Variants in FBXO10 observed in about 807,000 individuals in gnomAD.
The protein encoded by FBXO10 is F-box only protein 10.
FBXO10 carries 39 observed loss-of-function variants against 80.7 expected under a neutral mutation model. That is an observed-to-expected ratio of 0.48 (90% CI 0.37 to 0.63). FBXO10 has a LOEUF of 0.63. FBXO10 is among the 30% of genes least tolerant of loss of function. The probability of loss-of-function intolerance (pLI) is 0.00; values close to 1 mark genes in which losing one functional copy is unlikely to be tolerated. For synonymous variants in FBXO10, 449 were observed against 489.6 expected (o/e 0.92, Z 1.09); for missense variants, 1,025 against 1,269.0 (o/e 0.81, Z 2.92).
At chr9:37,548,894 G>A (rs570171579) in intron 1 of FBXO10, among the ~76,000 whole-genome samples, 3 of 152,126 alleles carry the variant, frequency 2.0e-5, no homozygotes, top group African/African-American at 4.8e-5. Context: ...GACTACAGGC[G>A]CCCGCCACCA....
intron 1 of FBXO10, among the ~76,000 whole-genome samples, chr9:37,546,154 A>G (rs185451067): frequency 0.013 from 2,013 of 151,992 alleles, 45 homozygotes; most frequent in African/African-American, 0.046. Flanking sequence ...AAAAAAAAAA[A>G]GACTGTGATT....
intron 1 of FBXO10, among the ~76,000 whole-genome samples, chr9:37,544,021 C>T (rs1027135944): frequency 1.3e-5 from 2 of 152,164 alleles, no homozygotes; most frequent in African/African-American, 4.8e-5. Context: ...AATCCCAGCA[C>T]TTTGGGATGC....
At chr9:37,551,352 AGTCTTGGGGGC>A (rs1822193853) in intron 1 of FBXO10, among the ~76,000 whole-genome samples, 1 of 152,114 alleles carries the variant, frequency 6.6e-6, no homozygotes, top group Non-Finnish European at 1.5e-5. Flanking sequence ...ACAGGTCTGG[AGTCTTGGGGGC>A]AGCCCTGCTT....
chr9:37,546,591 C>T (rs1020497535), intron 1 of FBXO10, among the ~76,000 whole-genome samples: 1 of 152,134 alleles, frequency 6.6e-6, no homozygotes, highest in African/African-American at 2.4e-5. Flanking sequence ...AAGACATGGT[C>T]TCTGTGCTCA....
At position 37,522,948 on chromosome 9, in the gene FBXO10, C is replaced by T; in HGVS notation, c.1807G>A (p.Gly603Ser). ...ENVIRENQWG[G>S]VDIRRGGIPV... The stretch of plus-strand genomic sequence containing the variant: ...ATCCCTCCACGGCGGATGTCCACAC[C>T]TCCCCACTGATTCTCACGGATGACA... The change falls in exon 7 of 11, where the codon GGT becomes AGT. Residue 603 changes from glycine to serine, a missense_variant. Physicochemically the swap from Gly to Ser is moderately conservative, Grantham distance 56 (BLOSUM62 0). Transcript: ENST00000432825. The T allele has an allele frequency of 2.5e-6, 4 of 1,593,840 alleles. No individual in the cohort carries two copies. Among genetic ancestry groups the T allele is most frequent in the East Asian group, 2.3e-5 (1 of 43,846 alleles).
chr9:37,536,328 G>A lies in FBXO10; in HGVS notation c.1419+782C>T, dbSNP rs373211677. Among the ~76,000 whole-genome samples the A allele has an allele frequency of 5.3e-5, 8 of 152,254 alleles. No homozygotes were observed. In the South Asian group the frequency reaches 1.7e-3, roughly 32 times the overall value. ...AGTGGAGAGGTGAGACTCGAATCTA[G>A]GTGCTATGCCATGCTTTCTTCTGCA... On this transcript the variant is annotated intron_variant, in intron 3 of 10. Coordinates refer to ENST00000432825, the MANE Select transcript of FBXO10 (RefSeq NM_012166.3).
chr9:37,544,100 C>G (rs1407690328), intron 1 of FBXO10, among the ~76,000 whole-genome samples: 2 of 152,176 alleles, frequency 1.3e-5, no homozygotes, highest in African/African-American at 2.4e-5. Flanking sequence ...AACCCTGCCT[C>G]TACTAAAAAT....
intron 1 of FBXO10, among the ~76,000 whole-genome samples, chr9:37,553,531 T>C (rs539864416): frequency 1.3e-5 from 2 of 152,272 alleles, no homozygotes; most frequent in South Asian, 2.1e-4. Context: ...CTAGATAGCA[T>C]AACAGCTTCT....
chr9:37,540,154 G>A (rs576887641), intron 2 of FBXO10, among the ~76,000 whole-genome samples: 5 of 151,512 alleles, frequency 3.3e-5, no homozygotes, highest in African/African-American at 1.2e-4. Flanking sequence ...AGAGACAATT[G>A]TTATTGGCAA....
chr9:37,518,913 C>CT (rs397953415), intron 8 of FBXO10, among the ~76,000 whole-genome samples: 125,166 of 141,284 alleles, frequency 0.89, 55,569 homozygotes, highest in East Asian at 0.98. Context: ...GGGAAATTTT[C>CT]TTTTTTTTTT....
chr9:37,559,111 A>G (rs1822412041), intron 1 of FBXO10, among the ~76,000 whole-genome samples: 1 of 152,188 alleles, frequency 6.6e-6, no homozygotes, highest in South Asian at 2.1e-4. Context: ...GCCTGGCCGA[A>G]AAAAGAAAAT....
intron 3 of FBXO10, among the ~76,000 whole-genome samples, chr9:37,534,201 T>C (rs1821698137): frequency 6.6e-6 from 1 of 152,122 alleles, no homozygotes; most frequent in Non-Finnish European, 1.5e-5. Context: ...ACTAATAATA[T>C]ATTGCATTAG....
At position 37,535,341 on chromosome 9, in the gene FBXO10, ACTT is replaced by A. The variant is rs1462606169; in HGVS notation, c.1419+1766_1419+1768del. Among the ~76,000 whole-genome samples, 6 of 147,782 alleles carry A rather than the reference ACTT, an allele frequency of 4.1e-5. No homozygotes were observed. The East Asian group carries it at 9.7e-4, about 24-fold the overall frequency. ...AAAGAAGAAAATCACAGTCGGTGAC[ACTT>A]CTTTTTTTTTATTTTTTTTTTGGAG... On this transcript the variant is annotated intron_variant, in intron 3 of 10. Coordinates refer to ENST00000432825, the MANE Select transcript of FBXO10 (RefSeq NM_012166.3).
At chr9:37,544,193 TG>T (rs1821994855) in intron 1 of FBXO10, among the ~76,000 whole-genome samples, 1 of 152,134 alleles carries the variant, frequency 6.6e-6, no homozygotes, top group African/African-American at 2.4e-5. Flanking sequence ...TGCTTGAACC[TG>T]GGAGGTGGAG....
intron 8 of FBXO10, 137 bp from the exon 9 acceptor site, chr9:37,518,575 C>A: frequency 1.4e-6 from 1 of 718,458 alleles, no homozygotes; most frequent in South Asian, 2.0e-5. Flanking sequence ...TCAGAAACAA[C>A]CCTTGAGTTT....
At chr9:37,514,656 C>T (rs1035637304) in intron 10 of FBXO10, among the ~76,000 whole-genome samples, 5 of 151,808 alleles carry the variant, frequency 3.3e-5, no homozygotes, top group East Asian at 1.9e-4. Context: ...GTCAACATGG[C>T]GAAACTGTCT....
intron 8 of FBXO10, 52 bp downstream of exon 8, chr9:37,521,517 C>A: frequency 7.0e-7 from 1 of 1,426,564 alleles, no homozygotes; most frequent in Non-Finnish European, 9.2e-7. Flanking sequence ...AAAAAAAAGA[C>A]AGTGGGGAGC....
intron 7 of FBXO10, 167 bp from the exon 8 acceptor site, chr9:37,522,005 A>G (rs1365227634): frequency 1.4e-6 from 1 of 699,654 alleles, no homozygotes; most frequent in Non-Finnish European, 2.3e-6. Flanking sequence ...TCACCTTCAC[A>G]CAAGAGAGGT....
chr9:37,537,794 G>C lies in FBXO10; in HGVS notation c.735C>G (p.Asn245Lys). ...LHNVPLCVLE[N>K]CEFVGSENNS... ...TGTTTTCACTGCCCACAAATTCACA[G>C]TTTTCCAGGACACACAGGGGCACGT... The change falls in exon 3 of 11, where the codon AAC becomes AAG. Residue 245 changes from asparagine (N) to lysine (K), a missense_variant. Coordinates refer to ENST00000432825, the MANE Select transcript of FBXO10 (RefSeq NM_012166.3). 6.2e-7 allele frequency: 1 copy of C among 1,614,008 alleles called. No individual in the cohort carries two copies. Among genetic ancestry groups the C allele is most frequent in the Non-Finnish European group, 8.5e-7 (1 of 1,179,890 alleles).
Sources: gnomAD v4.1 joint callset for allele counts (sites outside exome capture counted in the v4.1 genomes callset) on GRCh38, gnomAD v4.1.1 for gene constraint, MANE v1.5 for transcripts, NCBI Gene and HGNC (gene_info 2026-07-23, HGNC 2026-07-21) for gene names.